MRTFB: variants seen among roughly 807,000 people sequenced by gnomAD.
MRTFB encodes the protein myocardin-related transcription factor B.
MRTFB carries 29 observed loss-of-function variants against 104.2 expected under a neutral mutation model. The ratio of observed to expected loss-of-function variants is 0.28; its 90% CI spans 0.21 to 0.38. The LOEUF (loss-of-function observed/expected upper bound fraction) is 0.38. Ranked by LOEUF, MRTFB falls within the 10% of genes least tolerant of loss-of-function variation. The pLI is 1.00. For missense variants in MRTFB, 1,270 were observed against 1,341.6 expected (o/e 0.95, Z 0.83); for synonymous variants, 535 against 519.5 (o/e 1.03, Z -0.41).
chr16:14,173,750 GTTCT>G (rs1255289753), intron 3 of MRTFB, among the ~76,000 whole-genome samples: 5 of 152,144 alleles, frequency 3.3e-5, no homozygotes, highest in Admixed American at 1.3e-4. Context: ...CTGAGGCTCT[GTTCT>G]TTGTTTTTTA....
At chr16:14,035,576 T>G in the MRTFB span, among the ~76,000 whole-genome samples, 1 of 152,166 alleles carries the variant, frequency 6.6e-6, no homozygotes, top group Non-Finnish European at 1.5e-5. Flanking sequence ...TTTTAAGCAT[T>G]TATTATATGT....
chr16:14,225,300 T>C (rs2041949829), intron 8 of MRTFB, among the ~76,000 whole-genome samples: 1 of 152,210 alleles, frequency 6.6e-6, no homozygotes, highest in African/African-American at 2.4e-5. Flanking sequence ...TCATTAAAAA[T>C]TACAAATCTA....
chr16:14,169,566 G>A (rs532234195), intron 3 of MRTFB, among the ~76,000 whole-genome samples: 14 of 152,014 alleles, frequency 9.2e-5, no homozygotes, highest in Admixed American at 6.6e-4. Context: ...TGTGGCTTCC[G>A]TATTCATTTT....
chr16:14,056,553 G>A, the MRTFB span, among the ~76,000 whole-genome samples: 1 of 152,092 alleles, frequency 6.6e-6, no homozygotes, highest in African/African-American at 2.4e-5. Flanking sequence ...CAGGCATTTT[G>A]TATTTTCTCC....
In MRTFB at chr16:14,258,182, G is replaced by A. The variant is rs1219667274; in HGVS notation, c.2764+21G>A. Reference sequence around the variant, plus strand: ...TGGAGGTAAGTCAAAAGTCACATCAGATCCTCCCAGGAAGTCATCTCTTAA... The same window carrying A: ...TGGAGGTAAGTCAAAAGTCACATCAAATCCTCCCAGGAAGTCATCTCTTAA... On this transcript the variant is annotated intron_variant, in intron 16 of 16. Coordinates refer to ENST00000571589, the MANE Select transcript of MRTFB (RefSeq NM_001308142.2). 4 of 1,607,738 alleles carry A rather than the reference G, an allele frequency of 2.5e-6. No homozygotes were observed. The Admixed American group carries it at 6.7e-5, about 27-fold the overall frequency.
intron 8 of MRTFB, among the ~76,000 whole-genome samples, chr16:14,223,142 A>G (rs1220255571): frequency 6.6e-6 from 1 of 152,132 alleles, no homozygotes; most frequent in Non-Finnish European, 1.5e-5. Context: ...CCCCATCTCT[A>G]CTAAAAATAC....
chr16:14,065,912 C>T, the MRTFB span, among the ~76,000 whole-genome samples: 1 of 152,188 alleles, frequency 6.6e-6, no homozygotes, highest in Non-Finnish European at 1.5e-5. Flanking sequence ...CAAGCAAGTT[C>T]TTTCCTACCC....
chr16:14,166,357 C>T lies in MRTFB; in HGVS notation c.154+25597C>T, dbSNP rs538778282. 1.6e-4 allele frequency among the ~76,000 whole-genome samples: 25 copies of T among 151,608 alleles called. No homozygotes were observed. The South Asian group carries it at 4.2e-3, about 25-fold the overall frequency. On this transcript the variant is annotated intron_variant, in intron 3 of 16. Coordinates refer to ENST00000571589, the MANE Select transcript of MRTFB (RefSeq NM_001308142.2). ...ACCTTTTTTTATACTTCATTTATTA[C>T]GTATGTATTCTTTTATCCACTTAAC...
the MRTFB span, among the ~76,000 whole-genome samples, chr16:14,003,728 C>A: frequency 1.3e-5 from 2 of 148,308 alleles, no homozygotes; most frequent in Admixed American, 1.3e-4. Context: ...TGCCATGCTA[C>A]AATAGCCTTT....
the MRTFB span, among the ~76,000 whole-genome samples, chr16:13,998,309 AC>A: frequency 6.6e-6 from 1 of 152,142 alleles, no homozygotes; most frequent in Non-Finnish European, 1.5e-5. Context: ...TTTGGGAGTA[AC>A]AGACCTGGGA....
the MRTFB span, among the ~76,000 whole-genome samples, chr16:14,058,672 AACT>A: frequency 6.9e-6 from 1 of 144,436 alleles, no homozygotes; most frequent in East Asian, 2.0e-4. Context: ...CTTTTCTTTA[AACT>A]AAAACATATT....
At position 14,195,492 on chromosome 16, in the gene MRTFB, G is replaced by A. The variant is rs1481984774; in HGVS notation, c.155-14751G>A. Reference sequence around the variant, plus strand: ...TATATTTGAGTGTGTGTTTGTATCAGCCCCATTCCTGAATCCACAAAATGG... The same window carrying A: ...TATATTTGAGTGTGTGTTTGTATCAACCCCATTCCTGAATCCACAAAATGG... On this transcript the variant is annotated intron_variant, in intron 3 of 16. Coordinates refer to ENST00000571589, the MANE Select transcript of MRTFB (RefSeq NM_001308142.2). The A allele has an allele frequency of 3.0e-6, 3 of 984,034 alleles. No individual in the cohort carries two copies. The African/African-American group carries it at 5.2e-5, about 17-fold the overall frequency. 61.0% of individuals were successfully genotyped at this position (984,034 alleles called of 1,614,324 possible).
intron 13 of MRTFB, among the ~76,000 whole-genome samples, chr16:14,251,209 C>T (rs2043239584): frequency 6.6e-6 from 1 of 151,898 alleles, no homozygotes; most frequent in Admixed American, 6.6e-5. Flanking sequence ...AACCCCGTCT[C>T]TACTAAAAAT....
upstream of MRTFB, among the ~76,000 whole-genome samples, chr16:14,067,632 T>C (rs943751324): frequency 3.9e-5 from 6 of 152,146 alleles, no homozygotes; most frequent in Non-Finnish European, 7.4e-5. Flanking sequence ...TTAAAAATAT[T>C]TGGGTGGCTT....
chr16:14,243,375 A>G (rs886285893), intron 10 of MRTFB, among the ~76,000 whole-genome samples: 2 of 152,214 alleles, frequency 1.3e-5, no homozygotes, highest in African/African-American at 4.8e-5. Context: ...TCACCCAACT[A>G]TGGCTGTCAC....
At chr16:14,067,696 T>C (rs888364059), upstream of MRTFB, among the ~76,000 whole-genome samples, 3 of 152,186 alleles carry the variant, frequency 2.0e-5, no homozygotes, top group African/African-American at 7.2e-5. Flanking sequence ...CTCAGGAAAC[T>C]GGGAAGAGAT....
chr16:14,205,601 C>G (rs567766339), intron 3 of MRTFB, among the ~76,000 whole-genome samples: 1 of 152,244 alleles, frequency 6.6e-6, no homozygotes, highest in Admixed American at 6.5e-5. Context: ...TAGCCTTTAC[C>G]TTTTTCAAAA....
At chr16:14,157,602 C>G (rs564809619) in intron 3 of MRTFB, among the ~76,000 whole-genome samples, 1 of 152,266 alleles carries the variant, frequency 6.6e-6, no homozygotes, top group East Asian at 1.9e-4. Flanking sequence ...AGATGGGAAT[C>G]TCTAGTAGTG....
chr16:14,186,065 T>A (rs1336376197), intron 3 of MRTFB, among the ~76,000 whole-genome samples: 1 of 152,046 alleles, frequency 6.6e-6, no homozygotes, highest in Non-Finnish European at 1.5e-5. Context: ...GAATTTTCCT[T>A]AAAAAAAATC....
Sources: gnomAD v4.1 joint callset for allele counts (sites outside exome capture counted in the v4.1 genomes callset) on GRCh38, gnomAD v4.1.1 for gene constraint, MANE v1.5 for transcripts, NCBI Gene and HGNC (gene_info 2026-07-23, HGNC 2026-07-21) for gene names.